ROCK2: variants seen among roughly 807,000 people sequenced by gnomAD.
ROCK2 encodes the protein rho-associated protein kinase 2.
A neutral mutation model predicts 195.1 loss-of-function variants in ROCK2; 61 were observed. The observed-to-expected ratio is 0.31, with a 90% confidence interval of 0.25 to 0.39. ROCK2 has a LOEUF of 0.39. Ranked by LOEUF, ROCK2 falls within the 10% of genes least tolerant of loss-of-function variation. The pLI is 1.00. For synonymous variants in ROCK2, 504 were observed against 545.5 expected, an observed-to-expected ratio of 0.92 and a Z score of 1.06; for missense variants, 1,109 against 1,637.4, an observed-to-expected ratio of 0.68 and a Z score of 5.57.
intron 1 of ROCK2, among the ~76,000 whole-genome samples, chr2:11,294,194 GAGAAAGAAA>G (rs892240744): frequency 2.6e-5 from 4 of 151,736 alleles, no homozygotes; most frequent in East Asian, 1.9e-4. Flanking sequence ...CAAAGAGAGA[GAGAAAGAAA>G]AGAAAGGAAA....
At chr2:11,282,346 G>A (rs547771020) in intron 3 of ROCK2, among the ~76,000 whole-genome samples, 9 of 152,052 alleles carry the variant, frequency 5.9e-5, no homozygotes, top group East Asian at 3.9e-4. Flanking sequence ...GGAAGATGCC[G>A]TCTCAAAAAA....
chr2:11,192,114 T>C lies in ROCK2; in HGVS notation c.4163+34A>G. The C allele has an allele frequency of 7.2e-7, 1 of 1,389,552 alleles. No homozygotes were observed. Among genetic ancestry groups the C allele is most frequent in the Non-Finnish European group, 9.9e-7 (1 of 1,013,990 alleles). 86.1% of individuals were successfully genotyped at this position (1,389,552 alleles called of 1,614,324 possible). On this transcript the variant is annotated intron_variant, in intron 32 of 32. Coordinates refer to ENST00000315872, the MANE Select transcript of ROCK2 (RefSeq NM_004850.5). The surrounding 1 kb of genome is among the most constrained non-coding windows in gnomAD (Gnocchi z 5.0). ...AAATAGCAAAATATTTTAATAGACT[T>C]TTTTTTTTTCCTTACCACATTTTAG...
chr2:11,238,245 T>TGTGTGTGTGTGTGTC (rs11377542), intron 4 of ROCK2, among the ~76,000 whole-genome samples: 1 of 38,450 alleles, frequency 2.6e-5, no homozygotes, highest in Admixed American at 3.0e-4. Flanking sequence ...TGTGTGTCTG[T>TGTGTGTGTGTGTGTC]TGTGTGTGTC....
intron 3 of ROCK2, among the ~76,000 whole-genome samples, chr2:11,283,119 T>C (rs1296536509): frequency 1.3e-5 from 2 of 151,050 alleles, no homozygotes; most frequent in African/African-American, 2.4e-5. Flanking sequence ...ATACAAAAAA[T>C]AGCCGGGCAT....
At chr2:11,183,986 C>A (rs1472350738) in intron 32 of ROCK2, among the ~76,000 whole-genome samples, 1 of 152,156 alleles carries the variant, frequency 6.6e-6, no homozygotes, top group African/African-American at 2.4e-5. Context: ...GACTAAAACA[C>A]ACATTATTTC....
intron 1 of ROCK2, among the ~76,000 whole-genome samples, chr2:11,328,213 G>A (rs531755447): frequency 3.9e-5 from 6 of 152,056 alleles, no homozygotes; most frequent in African/African-American, 1.4e-4. Context: ...CTAATTACAC[G>A]CAGTGAATTA....
chr2:11,221,821 A>C (rs1329868673), intron 8 of ROCK2, among the ~76,000 whole-genome samples: 1 of 152,214 alleles, frequency 6.6e-6, no homozygotes, highest in Non-Finnish European at 1.5e-5. Flanking sequence ...AAAATTATTG[A>C]GATCTACAAA....
chr2:11,184,578 A>G, intron 32 of ROCK2: 1 of 960,122 alleles, frequency 1.0e-6, no homozygotes, highest in East Asian at 1.1e-4. Context: ...ACAAGTTTCA[A>G]AAATAAAAAA....
chr2:11,295,252 T>C (rs879888154), intron 1 of ROCK2, among the ~76,000 whole-genome samples: 1 of 152,190 alleles, frequency 6.6e-6, no homozygotes, highest in African/African-American at 2.4e-5. Context: ...GAAAAAGTAA[T>C]GCATCATCTG....
chr2:11,279,795 C>T (rs891774146), intron 3 of ROCK2, among the ~76,000 whole-genome samples: 10 of 152,058 alleles, frequency 6.6e-5, no homozygotes, highest in African/African-American at 1.9e-4. Context: ...CGAAACACAC[C>T]GTAACAAACT....
intron 1 of ROCK2, among the ~76,000 whole-genome samples, chr2:11,310,925 G>C (rs1668014796): frequency 6.6e-6 from 1 of 151,520 alleles, no homozygotes; most frequent in African/African-American, 2.4e-5. Flanking sequence ...TGAGAAAAAT[G>C]TATCTATGAC....
chr2:11,267,968 G>A lies in ROCK2; in HGVS notation c.325-18170C>T, dbSNP rs145200710. On this transcript the variant is annotated intron_variant, in intron 3 of 32. Transcript: ENST00000315872. ...GGCCCCAATATGCCTTTTAAGACAG[G>A]GCAACAGGTTTCTGGTTCCACAGAT... Among the ~76,000 whole-genome samples the A allele has an allele frequency of 3.5e-3, 528 of 151,632 alleles. 2 individuals carry two copies. The highest frequency in any genetic ancestry group is 0.016 in the South Asian group (77 of 4,782).
intron 1 of ROCK2, among the ~76,000 whole-genome samples, chr2:11,319,004 T>C (rs965458691): frequency 2.0e-5 from 3 of 152,228 alleles, no homozygotes; most frequent in African/African-American, 4.8e-5. Flanking sequence ...TTGGTTACTG[T>C]AGCCTTGTAG....
intron 3 of ROCK2, among the ~76,000 whole-genome samples, chr2:11,280,176 T>C (rs1666950625): frequency 6.6e-6 from 1 of 151,604 alleles, no homozygotes. Flanking sequence ...AAAACAAGAA[T>C]ACACAAAAAT....
At chr2:11,236,728 G>C (rs1279744363) in intron 4 of ROCK2, among the ~76,000 whole-genome samples, 2 of 152,030 alleles carry the variant, frequency 1.3e-5, no homozygotes, top group African/African-American at 4.8e-5. Context: ...CAGACAAACA[G>C]GGAAAAGATA....
At chr2:11,309,858 G>A (rs577980407) in intron 1 of ROCK2, among the ~76,000 whole-genome samples, 29 of 152,202 alleles carry the variant, frequency 1.9e-4, no homozygotes, top group South Asian at 1.0e-3. Flanking sequence ...CGTTATGCCT[G>A]TAGTCCCAGC....
intron 3 of ROCK2, among the ~76,000 whole-genome samples, chr2:11,278,352 AT>A (rs1461360104): frequency 6.6e-6 from 1 of 152,200 alleles, no homozygotes; most frequent in Non-Finnish European, 1.5e-5. Context: ...TTAATACAAG[AT>A]CCTCCAACCA....
intron 3 of ROCK2, among the ~76,000 whole-genome samples, chr2:11,256,377 T>C (rs1473880572): frequency 6.6e-6 from 1 of 151,164 alleles, no homozygotes; most frequent in Non-Finnish European, 1.5e-5. Flanking sequence ...TCGTCTTCCT[T>C]CTCTGGCCAC....
chr2:11,304,423 C>T (rs1408819687), intron 1 of ROCK2, among the ~76,000 whole-genome samples: 1 of 152,172 alleles, frequency 6.6e-6, no homozygotes, highest in African/African-American at 2.4e-5. Flanking sequence ...CTAACACTTA[C>T]AAATCTGGTC....
Sources: allele counts gnomAD v4.1 joint callset (sites outside exome capture counted in the v4.1 genomes callset), GRCh38; gene constraint gnomAD v4.1.1; non-coding constraint Gnocchi (gnomAD v3.1); transcripts MANE v1.5; gene names NCBI Gene and HGNC (gene_info 2026-07-23, HGNC 2026-07-21).